PPP4R4: variants seen among roughly 807,000 people sequenced by gnomAD.
PPP4R4 encodes protein phosphatase 4 regulatory subunit 4, also known as serine/threonine-protein phosphatase 4 regulatory subunit 4.
A neutral mutation model predicts 121.8 loss-of-function variants in PPP4R4; 70 were observed. That is an observed-to-expected ratio of 0.57 (90% CI 0.47 to 0.70). The LOEUF (loss-of-function observed/expected upper bound fraction) is 0.70, where lower values mean the gene tolerates loss of function less well. Among genes scored for constraint, PPP4R4 ranks in the 30% least tolerant of loss-of-function variants. The pLI, the probability that PPP4R4 is intolerant of heterozygous loss-of-function variation, is 0.00. For missense variants in PPP4R4, 875 were observed against 1,033.6 expected (o/e 0.85, Z 2.10); for synonymous variants, 348 against 355.7 (o/e 0.98, Z 0.24).
At chr14:94,201,615 TGTCTGATGTAAGAATA>T (rs1221204954) in intron 2 of PPP4R4, among the ~76,000 whole-genome samples, 12 of 152,220 alleles carry the variant, frequency 7.9e-5, no homozygotes, top group Admixed American at 7.9e-4. Flanking sequence ...AAGTTTGTTT[TGTCTGATGTAAGAATA>T]GCTACTCCTG....
intron 2 of PPP4R4, among the ~76,000 whole-genome samples, chr14:94,203,935 A>G (rs1445611258): frequency 6.6e-6 from 1 of 152,152 alleles, no homozygotes; most frequent in Non-Finnish European, 1.5e-5. Flanking sequence ...TGGTCTCGAC[A>G]CTAGCCCTTT....
intron 5 of PPP4R4, among the ~76,000 whole-genome samples, chr14:94,232,641 A>G (rs1892103117): frequency 1.3e-5 from 2 of 152,248 alleles, no homozygotes; most frequent in South Asian, 4.1e-4. Context: ...CAGTAATTCC[A>G]GCTACTTTGA....
At chr14:94,227,090 C>G (rs1392643522) in intron 3 of PPP4R4, among the ~76,000 whole-genome samples, 1 of 152,182 alleles carries the variant, frequency 6.6e-6, no homozygotes, top group East Asian at 1.9e-4. Context: ...ACAGACGTGT[C>G]TACTGCACTT....
chr14:94,209,252 A>G (rs191864941), intron 3 of PPP4R4, among the ~76,000 whole-genome samples: 1 of 152,210 alleles, frequency 6.6e-6, no homozygotes, highest in East Asian at 1.9e-4. Flanking sequence ...GTGTCCTCCA[A>G]GAGTTTACCT....
chr14:94,277,354 C>T (rs1894699780), intron 24 of PPP4R4, among the ~76,000 whole-genome samples: 1 of 152,134 alleles, frequency 6.6e-6, no homozygotes, highest in Non-Finnish European at 1.5e-5. Flanking sequence ...GTATAGAGAG[C>T]TTTGTGTGCC....
intron 15 of PPP4R4, among the ~76,000 whole-genome samples, chr14:94,250,791 G>T (rs1166510933): frequency 6.6e-6 from 1 of 151,798 alleles, no homozygotes; most frequent in African/African-American, 2.4e-5. Context: ...AAAACATTTG[G>T]TTTATAGTAT....
chr14:94,265,317 T>C (rs1439637364), intron 20 of PPP4R4, 70 bp from the exon 21 acceptor site: 1 of 1,107,926 alleles, frequency 9.0e-7, no homozygotes, highest in Admixed American at 1.8e-5. Flanking sequence ...GTCTGAGTTG[T>C]CTTGTGTATT....
intron 8 of PPP4R4, among the ~76,000 whole-genome samples, chr14:94,240,459 C>A (rs533580964): frequency 6.6e-6 from 1 of 152,200 alleles, no homozygotes; most frequent in East Asian, 1.9e-4. Context: ...AAGTCCAAAC[C>A]CCTTAACCTG....
intron 16 of PPP4R4, among the ~76,000 whole-genome samples, chr14:94,252,514 T>C (rs1418812130): frequency 6.6e-6 from 1 of 152,206 alleles, no homozygotes; most frequent in African/African-American, 2.4e-5. Context: ...TTTACTGTGG[T>C]AAAATATGTA....
intron 2 of PPP4R4, among the ~76,000 whole-genome samples, chr14:94,195,315 TG>T (rs1485178921): frequency 6.6e-6 from 1 of 152,230 alleles, no homozygotes; most frequent in Non-Finnish European, 1.5e-5. Flanking sequence ...CCAGAATCTC[TG>T]GGGGTGGGAC....
chr14:94,180,929 A>G (rs1888951412), intron 2 of PPP4R4, among the ~76,000 whole-genome samples: 1 of 152,156 alleles, frequency 6.6e-6, no homozygotes, highest in Non-Finnish European at 1.5e-5. Flanking sequence ...GTGTTGTACC[A>G]TGTGAGAACT....
intron 23 of PPP4R4, among the ~76,000 whole-genome samples, chr14:94,267,587 T>G (rs1005823621): frequency 3.9e-5 from 6 of 152,188 alleles, no homozygotes; most frequent in African/African-American, 1.4e-4. Flanking sequence ...GGCAGTGGAT[T>G]GACCCACAGA....
chr14:94,274,637 G>A (rs1429607340), intron 23 of PPP4R4, among the ~76,000 whole-genome samples: 1 of 152,178 alleles, frequency 6.6e-6, no homozygotes, highest in African/African-American at 2.4e-5. Flanking sequence ...AATATCAAGT[G>A]TGTGTGAGGA....
chr14:94,192,133 A>G (rs889211150), intron 2 of PPP4R4, among the ~76,000 whole-genome samples: 2 of 152,172 alleles, frequency 1.3e-5, no homozygotes, highest in African/African-American at 4.8e-5. Flanking sequence ...TGGTCCTACT[A>G]AAAAATATTA....
intron 11 of PPP4R4, 114 bp from the exon 12 acceptor site, chr14:94,244,521 C>A: frequency 2.3e-6 from 2 of 860,722 alleles, no homozygotes; most frequent in Non-Finnish European, 3.3e-6. Context: ...TGTGTTATAA[C>A]ATGGCTTTAT....
At chr14:94,232,416 A>G (rs1396784252) in intron 5 of PPP4R4, among the ~76,000 whole-genome samples, 1 of 152,214 alleles carries the variant, frequency 6.6e-6, no homozygotes, top group Admixed American at 6.5e-5. Context: ...AGTTATAAGG[A>G]TGTTTGCATA....
At chr14:94,268,860 A>G (rs1341833902) in intron 23 of PPP4R4, among the ~76,000 whole-genome samples, 1 of 152,202 alleles carries the variant, frequency 6.6e-6, no homozygotes, top group Non-Finnish European at 1.5e-5. Flanking sequence ...CATGGGGGTT[A>G]TTACAGTTCA....
intron 18 of PPP4R4, 58 bp downstream of exon 18, chr14:94,258,882 C>A: frequency 7.0e-7 from 1 of 1,437,000 alleles, no homozygotes; most frequent in Non-Finnish European, 9.7e-7. Flanking sequence ...CTGAAAAAGA[C>A]ATACCCAAGA....
chr14:94,187,987 A>G (rs1889378704), intron 2 of PPP4R4, among the ~76,000 whole-genome samples: 1 of 152,182 alleles, frequency 6.6e-6, no homozygotes, highest in Non-Finnish European at 1.5e-5. Context: ...AGGTTTCTCC[A>G]CTGTGGGAGT....
Sources: allele counts gnomAD v4.1 joint callset (sites outside exome capture counted in the v4.1 genomes callset), GRCh38; gene constraint gnomAD v4.1.1; transcripts MANE v1.5; gene names NCBI Gene and HGNC (gene_info 2026-07-23, HGNC 2026-07-21).